SORT1: variants seen among roughly 807,000 people sequenced by gnomAD.
The protein encoded by SORT1 is sortilin.
Under a neutral mutation model 101.7 loss-of-function variants are expected in SORT1, and 39 were observed. The observed-to-expected ratio is 0.38, with a 90% confidence interval of 0.30 to 0.50. SORT1 has a LOEUF of 0.50. Among genes scored for constraint, SORT1 ranks in the 20% least tolerant of loss-of-function variants. The pLI, the probability that SORT1 is intolerant of heterozygous loss-of-function variation, is 0.90. For missense variants in SORT1, 878 were observed against 1,040.4 expected (o/e 0.84, Z 2.15); for synonymous variants, 396 against 393.7 (o/e 1.01, Z -0.07).
chr1:109,357,818 C>A (rs1650434089), intron 3 of SORT1, among the ~76,000 whole-genome samples: 2 of 152,176 alleles, frequency 1.3e-5, no homozygotes, highest in South Asian at 2.1e-4. Context: ...CAATTGGGCG[C>A]CACCCAACAG....
At chr1:109,351,981 T>C (rs1334629188) in intron 5 of SORT1, among the ~76,000 whole-genome samples, 1 of 151,856 alleles carries the variant, frequency 6.6e-6, no homozygotes. Context: ...TGTGTGTGTG[T>C]GTGTGTGTGT....
At chr1:109,379,016 A>G (rs987837717) in intron 1 of SORT1, among the ~76,000 whole-genome samples, 2 of 151,298 alleles carry the variant, frequency 1.3e-5, no homozygotes, top group Admixed American at 6.6e-5. Context: ...GGTGGCACAC[A>G]CCTGTAGGCC....
chr1:109,347,590 T>C, intron 6 of SORT1, 58 bp from the exon 7 acceptor site: 2 of 1,238,148 alleles, frequency 1.6e-6, no homozygotes, highest in South Asian at 1.2e-5. Context: ...AGGACTGTGT[T>C]GACCTTACTC....
chr1:109,350,723 T>C (rs775809392), intron 6 of SORT1, among the ~76,000 whole-genome samples: 4 of 152,208 alleles, frequency 2.6e-5, no homozygotes, highest in South Asian at 2.1e-4. Context: ...TGTTCTAACA[T>C]TTAAGTGAGA....
chr1:109,355,297 A>G, intron 4 of SORT1, 70 bp downstream of exon 4: 1 of 805,828 alleles, frequency 1.2e-6, no homozygotes, highest in Non-Finnish European at 2.2e-6. Context: ...GGACCATGCC[A>G]ATACTAATAT....
intron 13 of SORT1, among the ~76,000 whole-genome samples, chr1:109,326,162 C>T (rs1453198552): frequency 6.7e-6 from 1 of 149,732 alleles, no homozygotes; most frequent in Non-Finnish European, 1.5e-5. Flanking sequence ...ATCCTCCCAC[C>T]TCGGCCTCCC....
At chr1:109,385,021 T>C (rs1190082981) in intron 1 of SORT1, among the ~76,000 whole-genome samples, 1 of 152,080 alleles carries the variant, frequency 6.6e-6, no homozygotes, top group Non-Finnish European at 1.5e-5. Context: ...GAGGTTGCAG[T>C]GAGCTGAGAT....
chr1:109,386,607 C>T (rs1053237254), intron 1 of SORT1, among the ~76,000 whole-genome samples: 2 of 152,034 alleles, frequency 1.3e-5, no homozygotes, highest in Non-Finnish European at 2.9e-5. Flanking sequence ...ACTCCTAGCA[C>T]TTTGGGAGGC....
intron 5 of SORT1, among the ~76,000 whole-genome samples, chr1:109,352,171 G>T (rs1256999636): frequency 1.3e-5 from 2 of 152,074 alleles, no homozygotes. Flanking sequence ...AGGTGCTTGT[G>T]GAACATCCAG....
At chr1:109,372,140 G>T (rs1651516327) in intron 1 of SORT1, among the ~76,000 whole-genome samples, 1 of 152,160 alleles carries the variant, frequency 6.6e-6, no homozygotes, top group Non-Finnish European at 1.5e-5. Flanking sequence ...CCTGGTCATG[G>T]TTAGGAGACA....
chr1:109,370,249 A>C (rs1478545964), intron 1 of SORT1, among the ~76,000 whole-genome samples: 1 of 152,182 alleles, frequency 6.6e-6, no homozygotes, highest in African/African-American at 2.4e-5. Context: ...TATAGTTATA[A>C]TAATCATTGT....
intron 3 of SORT1, among the ~76,000 whole-genome samples, chr1:109,358,210 G>A (rs1570946946): frequency 6.6e-6 from 1 of 152,196 alleles, no homozygotes; most frequent in Non-Finnish European, 1.5e-5. Context: ...CAACCTGCTG[G>A]GACTTAAGTA....
chr1:109,382,501 G>T (rs921589687), intron 1 of SORT1, among the ~76,000 whole-genome samples: 4 of 152,154 alleles, frequency 2.6e-5, no homozygotes, highest in Admixed American at 2.0e-4. Flanking sequence ...TACAGGATAG[G>T]TCAAAGAGCC....
At chr1:109,355,332 A>T in intron 4 of SORT1, 35 bp downstream of exon 4, 1 of 1,042,886 alleles carries the variant, frequency 9.6e-7, no homozygotes, top group Non-Finnish European at 1.5e-6. Flanking sequence ...TGTGGTATCA[A>T]GCACAAGCTT....
chr1:109,393,430 C>T (rs1054587013), intron 1 of SORT1: 3 of 420,558 alleles, frequency 7.1e-6, no homozygotes, highest in African/African-American at 6.5e-5. Flanking sequence ...TCAGCCACCA[C>T]CACAACTCTG....
At position 109,324,908 on chromosome 1, in the gene SORT1, C is replaced by T; in HGVS notation, c.1825G>A (p.Glu609Lys). ...CAAAGGAGACACTCACAGTTCCTTT[C>T]AAGGATATCTTTAAAATCAATGGTG... ...SYTIDFKDILERNCEEKDYTI... is the reference protein window; with the variant it reads ...SYTIDFKDILKRNCEEKDYTI... Residue 609 changes from glutamate to lysine, a missense_variant, in exon 14 of 20, where the codon GAA becomes AAA. Around this residue, in one of 2 missense-constraint regions of SORT1, gnomAD observed 684 missense variants for 894.5 expected, o/e 0.76. Transcript: ENST00000256637. The T allele has an allele frequency of 6.2e-7, 1 of 1,602,802 alleles. No individual in the cohort carries two copies. The highest frequency in any genetic ancestry group is 8.5e-7 in the Non-Finnish European group (1 of 1,172,146).
At chr1:109,330,743 G>C (rs963209483) in intron 11 of SORT1, among the ~76,000 whole-genome samples, 3 of 151,518 alleles carry the variant, frequency 2.0e-5, no homozygotes, top group African/African-American at 7.3e-5. Context: ...AAGAAAAAAA[G>C]AAAAGACTCA....
chr1:109,392,314 G>C (rs568035480), intron 1 of SORT1, among the ~76,000 whole-genome samples: 61 of 152,300 alleles, frequency 4.0e-4, no homozygotes, highest in African/African-American at 1.4e-3. Flanking sequence ...CACCCACTGA[G>C]AACCCAATGC....
At chr1:109,331,436 C>G (rs889032362) in intron 11 of SORT1, among the ~76,000 whole-genome samples, 3 of 152,042 alleles carry the variant, frequency 2.0e-5, no homozygotes, top group Non-Finnish European at 4.4e-5. Flanking sequence ...TAAAAACTCT[C>G]AATAAATTAG....
Sources: allele counts gnomAD v4.1 joint callset (sites outside exome capture counted in the v4.1 genomes callset), GRCh38; gene constraint gnomAD v4.1.1; regional missense constraint gnomAD v4.1.1; transcripts MANE v1.5; gene names NCBI Gene and HGNC (gene_info 2026-07-23, HGNC 2026-07-21).